RALYL: variants seen among roughly 807,000 people sequenced by gnomAD.
RALYL encodes RALY RNA binding protein like.
In RALYL, 29 loss-of-function variants were observed where a neutral mutation model predicts 35.1. That is an observed-to-expected ratio of 0.83 (90% CI 0.61 to 1.13). The LOEUF (loss-of-function observed/expected upper bound fraction) is 1.13. Ranked by LOEUF, RALYL falls within the 50% of genes most tolerant of loss-of-function variation. RALYL has a pLI of 0.00. For synonymous variants in RALYL, 120 were observed against 127.6 expected, an observed-to-expected ratio of 0.94 and a Z score of 0.40; for missense variants, 359 against 360.4, an observed-to-expected ratio of 1.00 and a Z score of 0.03.
intron 1 of RALYL, among the ~76,000 whole-genome samples, chr8:84,228,752 A>G (rs929634072): frequency 3.9e-5 from 6 of 152,206 alleles, no homozygotes; most frequent in African/African-American, 1.4e-4. Flanking sequence ...GGGAGGCCTC[A>G]GGACACCTAC....
At chr8:84,679,860 T>A (rs537448783) in intron 2 of RALYL, 149 of 365,814 alleles carry the variant, frequency 4.1e-4, no homozygotes, top group African/African-American at 2.2e-3. Flanking sequence ...TTCTTTTTTT[T>A]AAAATTATAC....
chr8:84,739,008 G>A (rs535399957), intron 2 of RALYL, among the ~76,000 whole-genome samples: 149 of 151,994 alleles, frequency 9.8e-4, no homozygotes, highest in African/African-American at 3.4e-3. Context: ...GTGAATACAC[G>A]TCATGAAGAT....
intron 2 of RALYL, among the ~76,000 whole-genome samples, chr8:84,762,362 C>T (rs1586040673): frequency 6.6e-6 from 1 of 152,042 alleles, no homozygotes; most frequent in Admixed American, 6.6e-5. Context: ...TTTGTATTTC[C>T]TTGATGCCTT....
intron 1 of RALYL, among the ~76,000 whole-genome samples, chr8:84,228,868 C>T (rs975395896): frequency 2.0e-5 from 3 of 152,142 alleles, no homozygotes; most frequent in African/African-American, 4.8e-5. Context: ...AAAGCTCACT[C>T]ACTATCATGA....
intron 3 of RALYL, among the ~76,000 whole-genome samples, chr8:84,801,267 C>T (rs1330105944): frequency 1.3e-5 from 2 of 152,138 alleles, no homozygotes; most frequent in Non-Finnish European, 2.9e-5. Context: ...GGTACCTTGG[C>T]CTTATCATCT....
chr8:84,291,022 C>G (rs73304870), intron 1 of RALYL, among the ~76,000 whole-genome samples: 1,916 of 151,982 alleles, frequency 0.013, 57 homozygotes, highest in African/African-American at 0.043. Flanking sequence ...GAATTGATTG[C>G]GTATTCTAAA....
chr8:84,735,403 A>G (rs544246922), intron 2 of RALYL, among the ~76,000 whole-genome samples: 1 of 152,088 alleles, frequency 6.6e-6, no homozygotes, highest in Non-Finnish European at 1.5e-5. Flanking sequence ...AATTTTTCTC[A>G]TATTAACATT....
chr8:84,344,105 A>G (rs532866550), intron 1 of RALYL, among the ~76,000 whole-genome samples: 3 of 151,992 alleles, frequency 2.0e-5, no homozygotes, highest in East Asian at 1.9e-4. Context: ...CATTTTTTAT[A>G]AAGTTATTTG....
At chr8:84,368,269 T>C (rs1416679631) in intron 1 of RALYL, among the ~76,000 whole-genome samples, 1 of 152,220 alleles carries the variant, frequency 6.6e-6, no homozygotes, top group African/African-American at 2.4e-5. Context: ...CAGAAAGATG[T>C]GTATATTACA....
chr8:84,198,580 G>A lies in RALYL; in HGVS notation c.-24+14156G>A, dbSNP rs889865193. ...AATTATTATTGATTATAGTCACCTT[G>A]TTGTGCTATCAAATACTAGGTCTTA... On this transcript the variant is annotated intron_variant, in intron 1 of 8. Transcript: ENST00000521268. Among the ~76,000 whole-genome samples, 3 of 152,050 alleles carry A rather than the reference G, an allele frequency of 2.0e-5. No homozygotes were observed. The East Asian group carries it at 5.8e-4, about 29-fold the overall frequency.
At chr8:84,830,948 C>T (rs1261554194) in intron 4 of RALYL, among the ~76,000 whole-genome samples, 1 of 151,574 alleles carries the variant, frequency 6.6e-6, no homozygotes, top group African/African-American at 2.4e-5. Flanking sequence ...CCATTTGAAG[C>T]AGTAAATTAA....
At chr8:84,377,250 G>C (rs1244906440) in intron 1 of RALYL, among the ~76,000 whole-genome samples, 2 of 151,598 alleles carry the variant, frequency 1.3e-5, no homozygotes, top group Non-Finnish European at 2.9e-5. Flanking sequence ...CTTGTGAGAA[G>C]GTAAGTTTGG....
chr8:84,516,115 T>C (rs927953134), intron 1 of RALYL, among the ~76,000 whole-genome samples: 1 of 152,164 alleles, frequency 6.6e-6, no homozygotes, highest in African/African-American at 2.4e-5. Context: ...AAAATAATAG[T>C]AGACATCTGG....
chr8:84,660,592 GTTTT>G (rs1239680820), intron 2 of RALYL, among the ~76,000 whole-genome samples: 1 of 151,508 alleles, frequency 6.6e-6, no homozygotes, highest in Non-Finnish European at 1.5e-5. Context: ...GGTTTTTCAT[GTTTT>G]TTAACTATTA....
chr8:84,640,973 G>T (rs186655015), intron 2 of RALYL, among the ~76,000 whole-genome samples: 1 of 151,714 alleles, frequency 6.6e-6, no homozygotes. Flanking sequence ...TTTCTTTCAT[G>T]AACCTTGTCA....
intron 1 of RALYL, among the ~76,000 whole-genome samples, chr8:84,496,401 T>C (rs2056023282): frequency 6.6e-6 from 1 of 152,138 alleles, no homozygotes; most frequent in African/African-American, 2.4e-5. Flanking sequence ...AGCATTAGAA[T>C]GCTGCAGATT....
At chr8:84,239,500 G>C (rs1827369831) in intron 1 of RALYL, among the ~76,000 whole-genome samples, 1 of 152,180 alleles carries the variant, frequency 6.6e-6, no homozygotes, top group Non-Finnish European at 1.5e-5. Flanking sequence ...TATCACAGTA[G>C]TTACCTCATT....
intron 2 of RALYL, among the ~76,000 whole-genome samples, chr8:84,699,057 G>GATA (rs397838106): frequency 2.0e-5 from 3 of 149,276 alleles, no homozygotes; most frequent in African/African-American, 7.4e-5. Context: ...TAGATAGATA[G>GATA]GATAAATAGA....
intron 2 of RALYL, among the ~76,000 whole-genome samples, chr8:84,643,935 A>G (rs1479060583): frequency 6.6e-6 from 1 of 152,044 alleles, no homozygotes; most frequent in African/African-American, 2.4e-5. Context: ...AGCAATAGCC[A>G]GATTGATGAT....
Sources: gnomAD v4.1 joint callset for allele counts (sites outside exome capture counted in the v4.1 genomes callset) on GRCh38, gnomAD v4.1.1 for gene constraint, MANE v1.5 for transcripts, NCBI Gene and HGNC (gene_info 2026-07-23, HGNC 2026-07-21) for gene names.